Variants in PLCG2 observed in about 807,000 individuals in gnomAD.
PLCG2 encodes 1-phosphatidylinositol 4,5-bisphosphate phosphodiesterase gamma-2.
In PLCG2, 69 loss-of-function variants were observed where a neutral mutation model predicts 175.6. The observed-to-expected ratio is 0.39, with a 90% CI of 0.32 to 0.48. The LOEUF (loss-of-function observed/expected upper bound fraction) is 0.48, where lower values mean the gene tolerates loss of function less well. PLCG2 is among the 20% of genes least tolerant of loss of function. The pLI is 0.91. For missense variants in PLCG2, 1,798 were observed against 1,650.9 expected, an observed-to-expected ratio of 1.09 and a Z score of -1.54; for synonymous variants, 827 against 624.0, an observed-to-expected ratio of 1.33 and a Z score of -4.85.
intron 2 of PLCG2, among the ~76,000 whole-genome samples, chr16:81,762,071 G>A (rs1416056317): frequency 6.6e-6 from 1 of 151,890 alleles, no homozygotes; most frequent in Non-Finnish European, 1.5e-5. Context: ...CTGACCTCAG[G>A]TGACCTGTGT....
intron 2 of PLCG2, among the ~76,000 whole-genome samples, chr16:81,821,154 A>C (rs1567481411): frequency 1.3e-5 from 2 of 152,238 alleles, no homozygotes; most frequent in Non-Finnish European, 2.9e-5. Flanking sequence ...GGCCTCCCAA[A>C]GTGCTGGGAT....
intron 7 of PLCG2, among the ~76,000 whole-genome samples, chr16:81,875,510 A>T (rs1324914284): frequency 6.6e-6 from 1 of 152,188 alleles, no homozygotes; most frequent in Non-Finnish European, 1.5e-5. Flanking sequence ...AGCATATAGA[A>T]GTAGAGAGAA....
intron 32 of PLCG2, 140 bp from the exon 33 acceptor site, chr16:81,957,816 G>A (rs1412009387): frequency 2.9e-6 from 2 of 693,190 alleles, no homozygotes; most frequent in Non-Finnish European, 5.1e-6. Flanking sequence ...GGAACTTGGA[G>A]TCTGCCTCTC....
chr16:81,960,387 A>C lies in PLCG2; in HGVS notation c.*2389A>C, dbSNP rs959849753. The C allele has an allele frequency of 4.5e-6, 1 of 221,882 alleles. No individual in the cohort carries two copies. Among genetic ancestry groups the C allele is most frequent in the Admixed American group, 5.8e-5 (1 of 17,376 alleles). The allele number at this position is 221,882 out of a possible 1,614,324, so 13.7% of individuals were successfully genotyped here. A position where few individuals can be genotyped will look rare whatever the true frequency, so the allele number is the denominator to read the frequency against. On this transcript the variant is annotated 3_prime_UTR_variant, in exon 33 of 33. Coordinates refer to ENST00000564138, the MANE Select transcript of PLCG2 (RefSeq NM_002661.5). ...CAGGCACATTCTGAAAGATGGAAGC[A>C]GCACTGATAGATCAAAACCACCACT...
intron 2 of PLCG2, among the ~76,000 whole-genome samples, chr16:81,796,887 C>G (rs1381333605): frequency 6.6e-6 from 1 of 152,194 alleles, no homozygotes; most frequent in Non-Finnish European, 1.5e-5. Flanking sequence ...TTTGGTATTT[C>G]ATGAGTGGCA....
At chr16:81,790,737 G>A (rs1911193790) in intron 2 of PLCG2, among the ~76,000 whole-genome samples, 1 of 152,180 alleles carries the variant, frequency 6.6e-6, no homozygotes, top group South Asian at 2.1e-4. Flanking sequence ...GTCTAAAGCA[G>A]CGTGTGGTTC....
In PLCG2 at chr16:81,932,389, A is replaced by G. The variant is rs886066653; in HGVS notation, c.2739+735A>G. 2.0e-5 allele frequency among the ~76,000 whole-genome samples: 3 copies of G among 152,216 alleles called. No individual in the cohort carries two copies. In the East Asian group the frequency reaches 5.8e-4, roughly 29 times the overall value. On this transcript the variant is annotated intron_variant, in intron 25 of 32. Coordinates refer to ENST00000564138, the MANE Select transcript of PLCG2 (RefSeq NM_002661.5). ...TCATTATATCAGAGCGACATGGGAA[A>G]GTGCCACCCTGTCTTCGATGATGGA...
Position 81,956,850 on chromosome 16 carries a change from C to A in PLCG2, c.3726C>A (p.Leu1242=), listed in dbSNP as rs76506409. ...VKEFSVNENQ[L]QLYQEKCNKR... is the part of the protein sequence containing the mutation. ...AGTTCAGTGTTAATGAGAACCAGCT[C>A]CAGCTGTACCAGGAGAAATGCAACA... Residue 1242 remains leucine, a synonymous_variant, in exon 32 of 33, where the codon CTC becomes CTA. Transcript: ENST00000564138. 1.6e-3 allele frequency: 2,550 copies of A among 1,613,890 alleles called. 43 individuals are homozygous for A. The African/African-American group carries it at 0.029, about 18-fold the overall frequency.
chr16:81,772,416 A>AT (rs1022161681), intron 2 of PLCG2, among the ~76,000 whole-genome samples: 6 of 151,200 alleles, frequency 4.0e-5, no homozygotes, highest in East Asian at 3.9e-4. Flanking sequence ...ATATATCTCT[A>AT]TTTTTTTTTA....
intron 2 of PLCG2, among the ~76,000 whole-genome samples, chr16:81,791,485 C>G (rs79504588): frequency 8.6e-5 from 13 of 152,014 alleles, no homozygotes; most frequent in Non-Finnish European, 1.8e-4. Context: ...GGTGTCACCT[C>G]GCCTGGAAGG....
chr16:81,846,297 T>A (rs953872249), intron 2 of PLCG2, among the ~76,000 whole-genome samples: 10 of 148,896 alleles, frequency 6.7e-5, no homozygotes, highest in Non-Finnish European at 1.4e-4. Flanking sequence ...GCTCCAGACA[T>A]CCCCCCGCCA....
At chr16:81,794,804 G>A (rs1305570695) in intron 2 of PLCG2, among the ~76,000 whole-genome samples, 1 of 152,166 alleles carries the variant, frequency 6.6e-6, no homozygotes, top group Admixed American at 6.5e-5. Flanking sequence ...GAAAGGATGG[G>A]ATAAATACTA....
At chr16:81,881,074 G>A (rs553668956) in intron 8 of PLCG2, 121 bp downstream of exon 8, 4 of 974,528 alleles carry the variant, frequency 4.1e-6, no homozygotes, top group South Asian at 1.4e-5. Context: ...GGGGCAGGGG[G>A]CCCCTGCTGG....
chr16:81,848,744 G>T (rs1906252075), intron 2 of PLCG2, among the ~76,000 whole-genome samples: 2 of 152,176 alleles, frequency 1.3e-5, no homozygotes, highest in South Asian at 4.1e-4. Flanking sequence ...TGATAGGGGT[G>T]GAGCTCAGTG....
rs192482898 is a variant in PLCG2, at chr16:81,815,918, C to A, written c.193+29736C>A. On this transcript the variant is annotated intron_variant, in intron 2 of 32. Transcript: ENST00000564138. Reference sequence around the variant, plus strand: ...TTTTACTAAAAATACAAAAATTAGCCAGGCATGGTGACTTGCGCCTGTAAT... The same window carrying A: ...TTTTACTAAAAATACAAAAATTAGCAAGGCATGGTGACTTGCGCCTGTAAT... 4.6e-5 allele frequency among the ~76,000 whole-genome samples: 7 copies of A among 151,468 alleles called. No individual in the cohort carries two copies. The East Asian group carries it at 1.2e-3, about 25-fold the overall frequency.
intron 2 of PLCG2, among the ~76,000 whole-genome samples, chr16:81,789,138 A>G (rs932905452): frequency 3.9e-5 from 6 of 151,904 alleles, no homozygotes; most frequent in Non-Finnish European, 5.9e-5. Context: ...AAAATAAAAT[A>G]AATATATACA....
chr16:81,748,486 T>C (rs1348692500), intron 1 of PLCG2, among the ~76,000 whole-genome samples: 2 of 150,664 alleles, frequency 1.3e-5, no homozygotes, highest in Non-Finnish European at 2.9e-5. Flanking sequence ...AAAGACTGAG[T>C]CTGAAAGGAG....
At chr16:81,758,893 G>C (rs1287331230) in intron 2 of PLCG2, among the ~76,000 whole-genome samples, 1 of 152,022 alleles carries the variant, frequency 6.6e-6, no homozygotes, top group East Asian at 1.9e-4. Context: ...GGCCAGGCTG[G>C]TCTCGAACTC....
intron 2 of PLCG2, among the ~76,000 whole-genome samples, chr16:81,826,328 C>G (rs1000206873): frequency 6.6e-6 from 1 of 152,160 alleles, no homozygotes; most frequent in Non-Finnish European, 1.5e-5. Flanking sequence ...CCGAGAAAAG[C>G]ATCAAGTATG....
Sources: gnomAD v4.1 joint callset for allele counts (sites outside exome capture counted in the v4.1 genomes callset) on GRCh38, gnomAD v4.1.1 for gene constraint, MANE v1.5 for transcripts, NCBI Gene and HGNC (gene_info 2026-07-23, HGNC 2026-07-21) for gene names.